Variants in ENOX1 observed in about 807,000 individuals in gnomAD.
ENOX1 encodes the protein ecto-NOX disulfide-thiol exchanger 1.
A neutral mutation model predicts 82.5 loss-of-function variants in ENOX1; 42 were observed. The observed-to-expected ratio is 0.51, with a 90% confidence interval of 0.40 to 0.66. ENOX1 has a LOEUF of 0.66. Ranked by LOEUF, ENOX1 falls within the 30% of genes least tolerant of loss-of-function variation. The probability of loss-of-function intolerance (pLI) is 0.00; values close to 1 mark genes in which losing one functional copy is unlikely to be tolerated. For synonymous variants in ENOX1, 271 were observed against 282.2 expected (o/e 0.96, Z 0.40); for missense variants, 608 against 811.6 (o/e 0.75, Z 3.05).
chr13:43,305,977 A>G (rs2046837496), intron 11 of ENOX1, among the ~76,000 whole-genome samples: 1 of 152,196 alleles, frequency 6.6e-6, no homozygotes, highest in African/African-American at 2.4e-5. Context: ...TGGCCTGCGC[A>G]GCTCCCAGCC....
intron 2 of ENOX1, among the ~76,000 whole-genome samples, chr13:43,524,146 T>C (rs911258618): frequency 2.6e-5 from 4 of 152,118 alleles, no homozygotes; most frequent in Admixed American, 6.6e-5. Context: ...CTTTAGTCCA[T>C]CTAATATCTT....
At chr13:43,674,042 A>G (rs1029351857) in intron 1 of ENOX1, among the ~76,000 whole-genome samples, 5 of 152,204 alleles carry the variant, frequency 3.3e-5, no homozygotes, top group Non-Finnish European at 7.3e-5. Flanking sequence ...TCCCAGACTC[A>G]GTGACTTAAC....
intron 3 of ENOX1, among the ~76,000 whole-genome samples, chr13:43,468,843 C>A (rs966274094): frequency 1.3e-5 from 2 of 152,036 alleles, no homozygotes; most frequent in African/African-American, 2.4e-5. Flanking sequence ...TAAGTTTATT[C>A]CTAAGCATTT....
At chr13:43,754,337 AT>A (rs1447737362) in intron 1 of ENOX1, among the ~76,000 whole-genome samples, 5 of 127,840 alleles carry the variant, frequency 3.9e-5, no homozygotes, top group African/African-American at 8.2e-5. Context: ...ATATATATAT[AT>A]TATTATTATT....
Position 43,485,416 on chromosome 13 carries a change from C to T in ENOX1, c.-218-1264G>A, listed in dbSNP as rs151334447. 7.0e-3 allele frequency among the ~76,000 whole-genome samples: 1,058 copies of T among 152,188 alleles called. 9 individuals carry two copies. Among genetic ancestry groups the T allele is most frequent in the African/African-American group, 0.024 (976 of 41,516 alleles). The stretch of plus-strand genomic sequence containing the variant: ...TGGCCCCACTGCAGGACCAAAAGTC[C>T]CTTAGAGAGACTAGAAAATGATGGA... On this transcript the variant is annotated intron_variant, in intron 2 of 16. Transcript: ENST00000690772.
chr13:43,693,828 C>A (rs1320289321), intron 1 of ENOX1, among the ~76,000 whole-genome samples: 3 of 152,040 alleles, frequency 2.0e-5, no homozygotes, highest in Non-Finnish European at 4.4e-5. Flanking sequence ...GCAGAAAAAT[C>A]CAACAAACAA....
At chr13:43,505,679 A>C (rs1023161703) in intron 2 of ENOX1, among the ~76,000 whole-genome samples, 6 of 151,906 alleles carry the variant, frequency 3.9e-5, no homozygotes, top group Non-Finnish European at 8.8e-5. Context: ...ATGTTGCAAA[A>C]ATTTTCTCCC....
At chr13:43,467,859 T>A (rs2057804756) in intron 3 of ENOX1, among the ~76,000 whole-genome samples, 1 of 152,218 alleles carries the variant, frequency 6.6e-6, no homozygotes, top group Non-Finnish European at 1.5e-5. Flanking sequence ...TCCAAATTCA[T>A]AATTTTGTAT....
intron 2 of ENOX1, among the ~76,000 whole-genome samples, chr13:43,571,522 GA>G (rs5803189): frequency 8.2e-5 from 12 of 146,736 alleles, no homozygotes; most frequent in East Asian, 2.0e-4. Flanking sequence ...TACTAAAAAA[GA>G]AAAAAAAAAA....
chr13:43,230,635 C>G (rs180872212), intron 15 of ENOX1, among the ~76,000 whole-genome samples: 9 of 152,218 alleles, frequency 5.9e-5, no homozygotes, highest in African/African-American at 2.2e-4. Flanking sequence ...ACACTTACCA[C>G]AGTGGTTTGG....
chr13:43,330,603 T>C (rs2048360237), intron 9 of ENOX1, among the ~76,000 whole-genome samples: 1 of 152,196 alleles, frequency 6.6e-6, no homozygotes, highest in Non-Finnish European at 1.5e-5. Context: ...TTTGCCTAAA[T>C]TAGGTTATTT....
chr13:43,593,304 C>T (rs892432368), intron 2 of ENOX1, among the ~76,000 whole-genome samples: 1 of 152,036 alleles, frequency 6.6e-6, no homozygotes, highest in Non-Finnish European at 1.5e-5. Flanking sequence ...ATAAATGATC[C>T]CATAGCCTAC....
chr13:43,306,229 G>A (rs935593866), intron 11 of ENOX1, among the ~76,000 whole-genome samples: 1 of 152,206 alleles, frequency 6.6e-6, no homozygotes, highest in Non-Finnish European at 1.5e-5. Flanking sequence ...AAGATTCGGC[G>A]ATCTCCAGGA....
intron 3 of ENOX1, among the ~76,000 whole-genome samples, chr13:43,433,815 G>T (rs2055834853): frequency 6.6e-6 from 1 of 152,182 alleles, no homozygotes; most frequent in African/African-American, 2.4e-5. Context: ...CCTTCCAGGG[G>T]CATGGCAACC....
rs980392952 is a variant in ENOX1, at chr13:43,551,982, A to G, written c.-218-67830T>C. Among the ~76,000 whole-genome samples the G allele has an allele frequency of 9.9e-5, 15 of 152,172 alleles. No homozygotes were observed. In the East Asian group the frequency reaches 1.4e-3, roughly 14 times the overall value. On this transcript the variant is annotated intron_variant, in intron 2 of 16. Coordinates refer to ENST00000690772, the MANE Select transcript of ENOX1 (RefSeq NM_001347969.2). Reference sequence around the variant, plus strand: ...TTCGTTCTCAGCTTCTCTGTATTTTAATGTCCTGCTGGCCTGACCTGGTCT... The same window carrying G: ...TTCGTTCTCAGCTTCTCTGTATTTTGATGTCCTGCTGGCCTGACCTGGTCT...
intron 3 of ENOX1, among the ~76,000 whole-genome samples, chr13:43,460,555 C>G (rs1023254082): frequency 6.6e-6 from 1 of 151,966 alleles, no homozygotes; most frequent in African/African-American, 2.4e-5. Flanking sequence ...AATCCTAGCA[C>G]TTTGGGAGGC....
intron 5 of ENOX1, among the ~76,000 whole-genome samples, chr13:43,409,158 A>G (rs1445804522): frequency 6.6e-6 from 1 of 152,150 alleles, no homozygotes; most frequent in Non-Finnish European, 1.5e-5. Flanking sequence ...GGAAATAAAC[A>G]AGGGTAGTTA....
chr13:43,258,096 G>A (rs563713156), intron 14 of ENOX1, among the ~76,000 whole-genome samples: 64 of 152,330 alleles, frequency 4.2e-4, no homozygotes, highest in African/African-American at 1.5e-3. Flanking sequence ...CTCCAGCAGT[G>A]GAAACATAGT....
intron 2 of ENOX1, among the ~76,000 whole-genome samples, chr13:43,642,948 T>C (rs2083720834): frequency 6.6e-6 from 1 of 152,204 alleles, no homozygotes; most frequent in Non-Finnish European, 1.5e-5. Flanking sequence ...TACAGTCCAA[T>C]GTAAGGAAAA....
Sources: gnomAD v4.1 joint callset for allele counts (sites outside exome capture counted in the v4.1 genomes callset) on GRCh38, gnomAD v4.1.1 for gene constraint, MANE v1.5 for transcripts, NCBI Gene and HGNC (gene_info 2026-07-23, HGNC 2026-07-21) for gene names.